The following AREL1 variants were observed in gnomAD, a reference collection of about 807,000 sequenced individuals.
The protein encoded by AREL1 is apoptosis-resistant E3 ubiquitin protein ligase 1.
A neutral mutation model predicts 99.0 loss-of-function variants in AREL1; 62 were observed. The observed-to-expected ratio is 0.63, with a 90% CI of 0.51 to 0.77. The LOEUF is 0.77. Ranked by LOEUF, AREL1 falls within the 30% of genes least tolerant of loss-of-function variation. The pLI, the probability that AREL1 is intolerant of heterozygous loss-of-function variation, is 0.00. For synonymous variants in AREL1, 380 were observed against 376.5 expected (o/e 1.01, Z -0.11); for missense variants, 879 against 1,027.6 (o/e 0.86, Z 1.98).
intron 1 of AREL1, among the ~76,000 whole-genome samples, chr14:74,712,446 A>G (rs1171191409): frequency 1.3e-5 from 2 of 152,238 alleles, no homozygotes; most frequent in African/African-American, 4.8e-5. Flanking sequence ...ACTGGAATAC[A>G]TAGCAGGTAC....
intron 3 of AREL1, among the ~76,000 whole-genome samples, 198 bp downstream of exon 3, chr14:74,685,402 C>CA (rs755707418): frequency 6.6e-6 from 1 of 152,186 alleles, no homozygotes; most frequent in Non-Finnish European, 1.5e-5. Context: ...CCACAGTAAA[C>CA]AGTGTCTGGC....
At chr14:74,695,431 T>C (rs2089965756) in intron 1 of AREL1, among the ~76,000 whole-genome samples, 1 of 152,150 alleles carries the variant, frequency 6.6e-6, no homozygotes, top group Admixed American at 6.5e-5. Context: ...AACCCTGTGA[T>C]CAGCTATTTG....
chr14:74,670,518 G>A, intron 13 of AREL1: 1 of 468,570 alleles, frequency 2.1e-6, no homozygotes, highest in East Asian at 3.5e-5. Flanking sequence ...AATTAGTAGA[G>A]TAGACATTAT....
intron 2 of AREL1, 49 bp downstream of exon 2, chr14:74,691,992 C>T (rs1327935191): frequency 6.5e-6 from 2 of 306,342 alleles, no homozygotes; most frequent in South Asian, 2.7e-5. Context: ...TCACTGGATC[C>T]ATGTTGTACA....
At chr14:74,683,638 G>A (rs2139918301) in intron 4 of AREL1, 105 bp from the exon 5 acceptor site, 2 of 920,426 alleles carry the variant, frequency 2.2e-6, no homozygotes, top group Non-Finnish European at 3.5e-6. Flanking sequence ...GACCACACCA[G>A]TAAATCCCAG....
chr14:74,681,461 T>A (rs1160891230), intron 5 of AREL1, among the ~76,000 whole-genome samples: 1 of 138,902 alleles, frequency 7.2e-6, no homozygotes, highest in East Asian at 2.1e-4. Flanking sequence ...GATTCGTGGG[T>A]TGCCAGGGGT....
chr14:74,681,183 CT>C lies in AREL1; in HGVS notation c.481+2112del. The stretch of plus-strand genomic sequence containing the variant: ...CCTAGGTGACAGAGCAAGGCCCTGT[CT>C]CAAAAACAACAAAACATTCCTATAC... On this transcript the variant is annotated intron_variant, in intron 5 of 19. Transcript: ENST00000356357. Among the ~76,000 whole-genome samples, 3 of 152,124 alleles carry C rather than the reference CT, an allele frequency of 2.0e-5. No homozygotes were observed. The Middle Eastern group carries it at 0.01, about 517-fold the overall frequency.
At chr14:74,686,502 T>C (rs547308457) in intron 2 of AREL1, among the ~76,000 whole-genome samples, 1 of 152,358 alleles carries the variant, frequency 6.6e-6, no homozygotes, top group South Asian at 2.1e-4. Context: ...CTGTATATGC[T>C]ATTTTACAAT....
At chr14:74,673,020 C>G (rs2089387484) in intron 10 of AREL1, 57 bp downstream of exon 10, 1 of 1,613,896 alleles carries the variant, frequency 6.2e-7, no homozygotes, top group East Asian at 2.2e-5. Context: ...GCCTCTCCAC[C>G]CTCATGGATG....
In AREL1 at chr14:74,661,423, C is replaced by A; in HGVS notation, c.*2297G>T. On this transcript the variant is annotated 3_prime_UTR_variant, in exon 20 of 20. Transcript: ENST00000356357. ...GTATTCACTCATGTCTGGTCTCCTT[C>A]AAAGACGCTAAAAGGCCAGAAGGGT... 2.4e-6 allele frequency: 1 copy of A among 421,118 alleles called. No homozygotes were observed. The highest frequency in any genetic ancestry group is 4.8e-6 in the Non-Finnish European group (1 of 210,024). The allele number at this position is 421,118 out of a possible 1,614,324, so 26.1% of individuals were successfully genotyped here.
chr14:74,686,612 C>T (rs1270591760), intron 2 of AREL1, among the ~76,000 whole-genome samples: 1 of 152,192 alleles, frequency 6.6e-6, no homozygotes, highest in Non-Finnish European at 1.5e-5. Flanking sequence ...TACGTAGAGA[C>T]AAGACAGCTA....
chr14:74,704,362 T>G (rs1246344271), intron 1 of AREL1, among the ~76,000 whole-genome samples: 1 of 152,192 alleles, frequency 6.6e-6, no homozygotes, highest in African/African-American at 2.4e-5. Context: ...CTTGCTTTTA[T>G]ACATTTTAGG....
At chr14:74,680,470 C>T (rs1158005387) in intron 5 of AREL1, among the ~76,000 whole-genome samples, 2 of 152,132 alleles carry the variant, frequency 1.3e-5, no homozygotes, top group Non-Finnish European at 2.9e-5. Context: ...ATGTAAAATG[C>T]TACAGCCACT....
intron 2 of AREL1, among the ~76,000 whole-genome samples, chr14:74,688,577 C>T (rs2089799668): frequency 6.6e-6 from 1 of 152,194 alleles, no homozygotes. Context: ...CCAATTACTA[C>T]TTTTTCCCCA....
rs2090250606 is a variant in AREL1 at position 74,709,965 on chromosome 14, C to T, written c.-334+2968G>A. Among the ~76,000 whole-genome samples the T allele has an allele frequency of 2.0e-5, 3 of 152,264 alleles. No individual in the cohort carries two copies. The South Asian group carries it at 6.2e-4, about 32-fold the overall frequency. Reference sequence around the variant, plus strand: ...TGTGTTCAAACTGTGTGTCCAATGCCTTGGGTGATTTTTTCTCTTCAAGAC... The same window carrying T: ...TGTGTTCAAACTGTGTGTCCAATGCTTTGGGTGATTTTTTCTCTTCAAGAC... On this transcript the variant is annotated intron_variant, in intron 1 of 19. Transcript: ENST00000356357.
intron 9 of AREL1, among the ~76,000 whole-genome samples, chr14:74,673,632 G>A (rs1316280609): frequency 6.6e-6 from 1 of 152,214 alleles, no homozygotes; most frequent in Non-Finnish European, 1.5e-5. Flanking sequence ...CAAAAGTTTA[G>A]ATTCCAGAAG....
At chr14:74,677,009 C>T (rs562290799) in intron 5 of AREL1, among the ~76,000 whole-genome samples, 12 of 152,000 alleles carry the variant, frequency 7.9e-5, no homozygotes, top group South Asian at 2.1e-4. Flanking sequence ...CTGTGTTAGC[C>T]AGGATAGTCT....
intron 5 of AREL1, among the ~76,000 whole-genome samples, chr14:74,678,694 G>GAAAAAAAAAAAAAAA (rs2089552293): frequency 4.5e-5 from 1 of 22,406 alleles, no homozygotes; most frequent in Non-Finnish European, 9.1e-5. Context: ...ACATGTATAA[G>GAAAAAAAAAAAAAAA]CAAAAAAAAA....
rs567440824 is a variant in AREL1 at position 74,667,186 on chromosome 14, C to T, written c.2103+133G>A. On this transcript the variant is annotated intron_variant, in intron 17 of 19. Coordinates refer to ENST00000356357, the MANE Select transcript of AREL1 (RefSeq NM_001039479.2). ...GCTGAAGGGTCAATGAATGGAGGAGCGACAAAAGTGAAACCACCTCTTGCA... is the reference window on the plus strand; with the variant it reads ...GCTGAAGGGTCAATGAATGGAGGAGTGACAAAAGTGAAACCACCTCTTGCA... 24 of 981,898 alleles carry T rather than the reference C, an allele frequency of 2.4e-5. 1 individual carries two copies. Among genetic ancestry groups the T allele is most frequent in the South Asian group, 6.3e-5 (4 of 63,702 alleles). 60.8% of individuals were successfully genotyped at this position (981,898 alleles called of 1,614,324 possible).
Sources: gnomAD v4.1 joint callset for allele counts (sites outside exome capture counted in the v4.1 genomes callset) on GRCh38, gnomAD v4.1.1 for gene constraint, MANE v1.5 for transcripts, NCBI Gene and HGNC (gene_info 2026-07-23, HGNC 2026-07-21) for gene names.